Variants in ZDHHC15 observed in about 807,000 individuals in gnomAD.
ZDHHC15 encodes the protein palmitoyltransferase ZDHHC15.
A neutral mutation model predicts 31.7 loss-of-function variants in ZDHHC15; 19 were observed. The ratio of observed to expected loss-of-function variants is 0.60; its 90% confidence interval spans 0.42 to 0.88. The LOEUF (loss-of-function observed/expected upper bound fraction) is 0.88, where lower values mean the gene tolerates loss of function less well. Ranked by LOEUF, ZDHHC15 falls within the 40% of genes least tolerant of loss-of-function variation. The pLI is 0.00. For synonymous variants in ZDHHC15, 103 were observed against 90.0 expected, an observed-to-expected ratio of 1.14 and a Z score of -0.82; for missense variants, 209 against 251.2, an observed-to-expected ratio of 0.83 and a Z score of 1.14.
At chrX:75,438,465 T>C (rs867268994) in intron 4 of ZDHHC15, among the ~76,000 whole-genome samples, 6 of 105,744 alleles carry the variant, frequency 5.7e-5, no homozygotes, top group African/African-American at 2.0e-4. Flanking sequence ...TGTTTTTTTT[T>C]CTAAGAATAG....
intron 10 of ZDHHC15, among the ~76,000 whole-genome samples, chrX:75,392,323 C>T (rs990657433): frequency 2.3e-4 from 26 of 111,969 alleles, no homozygotes; most frequent in Non-Finnish European, 1.9e-4. Context: ...TTTCTGTCTG[C>T]TTATATTCTA....
At chrX:75,419,640 A>G (rs2083597150) in intron 9 of ZDHHC15, among the ~76,000 whole-genome samples, 1 of 110,638 alleles carries the variant, frequency 9.0e-6, no homozygotes, top group African/African-American at 3.3e-5. Flanking sequence ...CTATAAAGAC[A>G]CATGCACACG....
chrX:75,430,619 T>C (rs1293792666), intron 5 of ZDHHC15, among the ~76,000 whole-genome samples: 1 of 111,237 alleles, frequency 9.0e-6, no homozygotes, highest in Non-Finnish European at 1.9e-5. Flanking sequence ...ATGGAGGGCA[T>C]AACTTTCCAT....
chrX:75,371,266 A>AT lies in ZDHHC15; in HGVS notation c.*1711dup, dbSNP rs1172699292. On this transcript the variant is annotated 3_prime_UTR_variant, in exon 12 of 12. Transcript: ENST00000373367. ...ATTTTGAGAAAGAGTGTAAGGGGAA[A>AT]TTTTTTTCCATCTGAATATATAAGA... The AT allele has an allele frequency of 9.0e-6, 1 of 111,283 alleles. No individual in the cohort carries two copies. Among genetic ancestry groups the AT allele is most frequent in the Non-Finnish European group, 1.9e-5 (1 of 52,985 alleles). The allele number at this position is 111,283 out of a possible 1,213,427, so 9.2% of individuals were successfully genotyped here.
chrX:75,379,201 G>A lies in ZDHHC15; in HGVS notation c.968-3C>T. 1 of 1,210,532 alleles carries A rather than the reference G, an allele frequency of 8.3e-7. No individual in the cohort carries two copies. Among genetic ancestry groups the A allele is most frequent in the South Asian group, 1.8e-5 (1 of 56,913 alleles). On this transcript the variant is annotated splice_region_variant and splice_polypyrimidine_tract_variant and intron_variant, in intron 10 of 11. Transcript: ENST00000373367. ...AGATGATGAGCCTTCTGGATAATCT[G>A]CAAGGTTGAAACGTGAAGATGATCA...
intron 4 of ZDHHC15, among the ~76,000 whole-genome samples, chrX:75,438,982 C>A (rs1490903514): frequency 9.0e-6 from 1 of 111,397 alleles, no homozygotes; most frequent in Non-Finnish European, 1.9e-5. Flanking sequence ...AATATAGGAC[C>A]CAAATCCCTT....
At chrX:75,456,898 A>G (rs2084232893) in intron 3 of ZDHHC15, among the ~76,000 whole-genome samples, 2 of 111,241 alleles carry the variant, frequency 1.8e-5, no homozygotes, top group South Asian at 7.6e-4. Flanking sequence ...AGTGCCATTT[A>G]AATTCTGTGA....
chrX:75,480,853 C>A (rs1400322566), intron 2 of ZDHHC15, among the ~76,000 whole-genome samples: 1 of 111,656 alleles, frequency 9.0e-6, no homozygotes, highest in East Asian at 2.8e-4. Flanking sequence ...AGGATCAATT[C>A]TCTGAAGTGG....
intron 7 of ZDHHC15, 132 bp downstream of exon 7, chrX:75,428,946 G>T: frequency 1.1e-6 from 1 of 904,534 alleles, no homozygotes; most frequent in Non-Finnish European, 1.5e-6. Flanking sequence ...CCTGTTTTTA[G>T]TGCCTTCTCT....
Position 75,371,064 on chromosome X carries a change from G to T in ZDHHC15, c.*1914C>A, listed in dbSNP as rs1435062898. 2 of 111,489 alleles carry T rather than the reference G, an allele frequency of 1.8e-5. No homozygotes were observed. Among genetic ancestry groups the T allele is most frequent in the African/African-American group, 6.5e-5 (2 of 30,638 alleles). 9.2% of individuals were successfully genotyped at this position (111,489 alleles called of 1,213,427 possible). On this transcript the variant is annotated 3_prime_UTR_variant, in exon 12 of 12. Transcript: ENST00000373367. ...AACAGCTGCTCTGCCTGAATGCTTG[G>T]CAGAAGATGATTGATGGGAAAGAGG...
chrX:75,387,804 G>A, intron 10 of ZDHHC15, among the ~76,000 whole-genome samples: 1 of 111,712 alleles, frequency 9.0e-6, no homozygotes, highest in Non-Finnish European at 1.9e-5. Context: ...GGTATAAGAA[G>A]GTCAGAGCAC....
At chrX:75,407,039 C>T in intron 10 of ZDHHC15, among the ~76,000 whole-genome samples, 1 of 112,759 alleles carries the variant, frequency 8.9e-6, no homozygotes, top group African/African-American at 3.2e-5. Flanking sequence ...GCTACAGCCT[C>T]CACCTCCCAG....
intron 4 of ZDHHC15, among the ~76,000 whole-genome samples, chrX:75,442,087 C>T (rs1316559840): frequency 2.7e-5 from 3 of 112,233 alleles, no homozygotes; most frequent in Non-Finnish European, 5.6e-5. Context: ...CTGAGTCATA[C>T]GGTGCCCAGA....
intron 2 of ZDHHC15, among the ~76,000 whole-genome samples, chrX:75,486,443 T>C (rs1461115326): frequency 8.9e-6 from 1 of 112,164 alleles, no homozygotes; most frequent in Non-Finnish European, 1.9e-5. Context: ...GCATAAATTT[T>C]CATGAGCAGA....
intron 3 of ZDHHC15, among the ~76,000 whole-genome samples, chrX:75,458,392 G>A (rs1022865903): frequency 3.6e-5 from 4 of 111,483 alleles, no homozygotes; most frequent in Admixed American, 9.6e-5. Context: ...GATTACTTAG[G>A]TATAATATAT....
rs2083089543 is a variant in ZDHHC15, at chrX:75,379,169, C to T, written c.997G>A (p.Val333Met). The part of the protein sequence containing the change: ...DYPEGSSSLA[V>M]ETET ...GAAAACTGCTATGTTTCCGTTTCCA[C>T]AGCAAGAGATGATGAGCCTTCTGGA... Residue 333 changes from valine (V) to methionine (M), a missense_variant, in exon 11 of 12, where the codon GTG becomes ATG. Physicochemically the swap from Val to Met is conservative, Grantham distance 21. Transcript: ENST00000373367. The T allele has an allele frequency of 2.5e-6, 3 of 1,209,575 alleles. No individual in the cohort carries two copies. Among genetic ancestry groups the T allele is most frequent in the African/African-American group, 3.5e-5 (2 of 57,154 alleles).
chrX:75,442,281 T>C (rs779622714), intron 4 of ZDHHC15, among the ~76,000 whole-genome samples: 7 of 111,441 alleles, frequency 6.3e-5, no homozygotes, highest in African/African-American at 9.8e-5. Flanking sequence ...CTATTCAACA[T>C]AGTGTTGGAA....
chrX:75,513,041 G>T (rs1383291239), intron 1 of ZDHHC15, among the ~76,000 whole-genome samples: 3 of 83,917 alleles, frequency 3.6e-5, no homozygotes, highest in African/African-American at 1.3e-4. Context: ...AATGGGGAAA[G>T]GATTCCCTAT....
chrX:75,421,772 C>G, intron 9 of ZDHHC15, 92 bp downstream of exon 9: 1 of 1,000,379 alleles, frequency 1.0e-6, no homozygotes. Flanking sequence ...TCACACTGGA[C>G]TGATACCTGC....
Sources: allele counts gnomAD v4.1 joint callset (sites outside exome capture counted in the v4.1 genomes callset), GRCh38; gene constraint gnomAD v4.1.1; transcripts MANE v1.5; gene names NCBI Gene and HGNC (gene_info 2026-07-23, HGNC 2026-07-21).